FAT3: variants seen among roughly 807,000 people sequenced by gnomAD.
The protein encoded by FAT3 is protocadherin Fat 3.
In FAT3, 95 loss-of-function variants were observed where a neutral mutation model predicts 310.2. The observed-to-expected ratio is 0.31, with a 90% confidence interval of 0.26 to 0.36. FAT3 has a LOEUF of 0.36. Among genes scored for constraint, FAT3 ranks in the 10% least tolerant of loss-of-function variants. The probability of loss-of-function intolerance (pLI) is 1.00; values close to 1 mark genes in which losing one functional copy is unlikely to be tolerated. For missense variants in FAT3, 5,408 were observed against 5,715.6 expected (o/e 0.95, Z 1.74); for synonymous variants, 2,314 against 2,192.9 (o/e 1.06, Z -1.54).
At chr11:92,241,745 TGATA>T (rs1288662628) in intron 1 of FAT3, among the ~76,000 whole-genome samples, 1 of 152,082 alleles carries the variant, frequency 6.6e-6, no homozygotes, top group African/African-American at 2.4e-5. Context: ...GTCATTAGTC[TGATA>T]GATGTTTTTA....
At chr11:92,321,864 C>G (rs748031158) in intron 1 of FAT3, among the ~76,000 whole-genome samples, 5 of 152,162 alleles carry the variant, frequency 3.3e-5, no homozygotes, top group Non-Finnish European at 5.9e-5. Flanking sequence ...TCGTAAACTC[C>G]TATTTGAGTC....
intron 3 of FAT3, among the ~76,000 whole-genome samples, chr11:92,669,510 T>A (rs894389955): frequency 1.3e-5 from 2 of 152,220 alleles, no homozygotes; most frequent in Non-Finnish European, 2.9e-5. Context: ...CTCTTATGCC[T>A]CTTGATCCCA....
chr11:92,762,954 T>C (rs1311294227), intron 5 of FAT3, among the ~76,000 whole-genome samples: 1 of 151,988 alleles, frequency 6.6e-6, no homozygotes, highest in African/African-American at 2.4e-5. Flanking sequence ...GGTCAGGAGT[T>C]TGAGACCAGC....
intron 3 of FAT3, among the ~76,000 whole-genome samples, chr11:92,652,232 A>T (rs1157111177): frequency 2.0e-5 from 3 of 151,940 alleles, no homozygotes; most frequent in African/African-American, 7.3e-5. Context: ...CCCCACTTTT[A>T]TCCGCTGGGC....
At chr11:92,748,320 T>A (rs1479142560) in intron 4 of FAT3, among the ~76,000 whole-genome samples, 2 of 152,148 alleles carry the variant, frequency 1.3e-5, no homozygotes, top group Non-Finnish European at 2.9e-5. Context: ...ACCACCCCCA[T>A]GATTCAGTTA....
At chr11:92,360,418 T>C (rs930592010) in intron 2 of FAT3, among the ~76,000 whole-genome samples, 2 of 152,240 alleles carry the variant, frequency 1.3e-5, no homozygotes, top group Non-Finnish European at 2.9e-5. Context: ...TTGATCACAA[T>C]TTAAATCACT....
chr11:92,599,345 C>T (rs1358246998), intron 3 of FAT3, among the ~76,000 whole-genome samples: 1 of 152,148 alleles, frequency 6.6e-6, no homozygotes, highest in African/African-American at 2.4e-5. Flanking sequence ...GGGGGAACCC[C>T]TTATAAAACC....
chr11:92,240,608 A>G (rs569185529), intron 1 of FAT3, among the ~76,000 whole-genome samples: 1 of 151,800 alleles, frequency 6.6e-6, no homozygotes, highest in Non-Finnish European at 1.5e-5. Flanking sequence ...CCAAATCCCA[A>G]ACTGTAATTG....
At chr11:92,516,060 C>G (rs990528590) in intron 2 of FAT3, among the ~76,000 whole-genome samples, 2 of 152,080 alleles carry the variant, frequency 1.3e-5, no homozygotes, top group African/African-American at 4.8e-5. Flanking sequence ...ACCAAAGGTA[C>G]AAAGAGAAGC....
At position 92,340,425 on chromosome 11, in the gene FAT3, A is replaced by G. The variant is rs377264424; in HGVS notation, c.-17-11671A>G. Reference sequence around the variant, plus strand: ...ATTCACCTCATTGGCTGTGAAGTGTAATCTGCTGTGTCTCCACGGCCTTAA... The same window carrying G: ...ATTCACCTCATTGGCTGTGAAGTGTGATCTGCTGTGTCTCCACGGCCTTAA... On this transcript the variant is annotated intron_variant, in intron 1 of 27. Transcript: ENST00000525166. 4.6e-5 allele frequency among the ~76,000 whole-genome samples: 7 copies of G among 152,284 alleles called. No homozygotes were observed. In the South Asian group the frequency reaches 1.4e-3, roughly 32 times the overall value.
chr11:92,242,539 C>T (rs1246808497), intron 1 of FAT3, among the ~76,000 whole-genome samples: 1 of 151,942 alleles, frequency 6.6e-6, no homozygotes, highest in East Asian at 1.9e-4. Context: ...TATACTGAGG[C>T]AGCTTGCTGG....
chr11:92,739,716 G>A (rs752985125), intron 4 of FAT3, among the ~76,000 whole-genome samples: 3 of 152,134 alleles, frequency 2.0e-5, no homozygotes, highest in Non-Finnish European at 4.4e-5. Flanking sequence ...ATAACCTTCC[G>A]TGAGTGTGCA....
chr11:92,404,009 T>G (rs1950083227), intron 2 of FAT3, among the ~76,000 whole-genome samples: 4 of 151,410 alleles, frequency 2.6e-5, no homozygotes, highest in South Asian at 2.1e-4. Context: ...CACTCCAGCC[T>G]GGGCCACAGA....
At chr11:92,669,897 A>C (rs1399432167) in intron 3 of FAT3, among the ~76,000 whole-genome samples, 1 of 152,204 alleles carries the variant, frequency 6.6e-6, no homozygotes, top group African/African-American at 2.4e-5. Flanking sequence ...TGTTACTACT[A>C]TTATTCAAAA....
At chr11:92,490,547 GT>G (rs1714476764) in intron 2 of FAT3, among the ~76,000 whole-genome samples, 1 of 152,070 alleles carries the variant, frequency 6.6e-6, no homozygotes. Context: ...TTGTTTGTTT[GT>G]TTTGTTTGTC....
intron 3 of FAT3, among the ~76,000 whole-genome samples, chr11:92,569,033 G>A (rs1253531567): frequency 6.6e-6 from 1 of 152,124 alleles, no homozygotes; most frequent in Non-Finnish European, 1.5e-5. Flanking sequence ...AATTTTGGGG[G>A]GTTGAAAGGT....
At chr11:92,369,858 AAAC>A (rs1949138110) in intron 2 of FAT3, among the ~76,000 whole-genome samples, 1 of 150,224 alleles carries the variant, frequency 6.7e-6, no homozygotes, top group African/African-American at 2.5e-5. Context: ...AACAAAAAAC[AAAC>A]AAAAAAAACT....
At chr11:92,568,244 G>A (rs1051763624) in intron 3 of FAT3, among the ~76,000 whole-genome samples, 3 of 152,014 alleles carry the variant, frequency 2.0e-5, no homozygotes, top group African/African-American at 4.8e-5. Context: ...TTCTAAATAC[G>A]TTTAAGTTCC....
intron 3 of FAT3, among the ~76,000 whole-genome samples, chr11:92,576,834 A>T (rs560720631): frequency 6.6e-6 from 1 of 152,302 alleles, no homozygotes; most frequent in Non-Finnish European, 1.5e-5. Flanking sequence ...AAAGCAGTAT[A>T]CTTGTACACT....
Sources: gnomAD v4.1 joint callset for allele counts (sites outside exome capture counted in the v4.1 genomes callset) on GRCh38, gnomAD v4.1.1 for gene constraint, MANE v1.5 for transcripts, NCBI Gene and HGNC (gene_info 2026-07-23, HGNC 2026-07-21) for gene names.